HDAC9: variants seen among roughly 807,000 people sequenced by gnomAD.
HDAC9 encodes the protein histone deacetylase 9.
A neutral mutation model predicts 139.4 loss-of-function variants in HDAC9; 41 were observed. The observed-to-expected ratio is 0.29, with a 90% CI of 0.23 to 0.38. The LOEUF (loss-of-function observed/expected upper bound fraction) is 0.38, where lower values mean the gene tolerates loss of function less well. Among genes scored for constraint, HDAC9 ranks in the 10% least tolerant of loss-of-function variants. HDAC9 has a pLI of 1.00. For synonymous variants in HDAC9, 517 were observed against 476.2 expected, an observed-to-expected ratio of 1.09 and a Z score of -1.12; for missense variants, 1,147 against 1,297.0, an observed-to-expected ratio of 0.88 and a Z score of 1.78.
chr7:18,178,500 T>C (rs1040436372), intron 2 of HDAC9, among the ~76,000 whole-genome samples: 2 of 152,204 alleles, frequency 1.3e-5, no homozygotes, highest in African/African-American at 4.8e-5. Flanking sequence ...GGGAAGTTGC[T>C]AAGTTTGGCT....
At chr7:18,167,442 G>A (rs1434911203) in intron 2 of HDAC9, among the ~76,000 whole-genome samples, 1 of 152,028 alleles carries the variant, frequency 6.6e-6, no homozygotes, top group African/African-American at 2.4e-5. Context: ...ATTAATTTTG[G>A]TGGGTAATTC....
chr7:18,300,942 CT>C (rs1181610438), intron 1 of HDAC9, among the ~76,000 whole-genome samples: 1 of 152,106 alleles, frequency 6.6e-6, no homozygotes, highest in Admixed American at 6.5e-5. Context: ...AGAGCTCACA[CT>C]ATTCCTCATG....
intron 1 of HDAC9, among the ~76,000 whole-genome samples, chr7:18,450,909 G>A (rs1376928794): frequency 6.6e-6 from 1 of 152,132 alleles, no homozygotes; most frequent in African/African-American, 2.4e-5. Context: ...AAGTGTCAAA[G>A]GGAAAAGAGT....
At chr7:18,563,992 C>T (rs538710348) in intron 2 of HDAC9, among the ~76,000 whole-genome samples, 11 of 152,060 alleles carry the variant, frequency 7.2e-5, no homozygotes, top group South Asian at 2.1e-4. Flanking sequence ...TGTGCCACCA[C>T]GCCCAGCTAA....
intron 9 of HDAC9, 110 bp downstream of exon 9, chr7:18,644,903 A>G (rs1202093458): frequency 5.7e-6 from 6 of 1,051,616 alleles, no homozygotes; most frequent in Non-Finnish European, 6.6e-6. Flanking sequence ...TGACAGAGCC[A>G]GCATCTCCTT....
chr7:18,766,182 G>A (rs1336856860), intron 15 of HDAC9, among the ~76,000 whole-genome samples: 1 of 152,156 alleles, frequency 6.6e-6, no homozygotes, highest in African/African-American at 2.4e-5. Flanking sequence ...TTCTACCACT[G>A]AACTGCTGAG....
At chr7:18,595,863 G>C (rs1310693013) in intron 6 of HDAC9, among the ~76,000 whole-genome samples, 1 of 152,020 alleles carries the variant, frequency 6.6e-6, no homozygotes, top group Non-Finnish European at 1.5e-5. Flanking sequence ...GTGTCCCACT[G>C]TTGCCATGCG....
At chr7:18,293,791 T>C (rs1048521630) in intron 1 of HDAC9, among the ~76,000 whole-genome samples, 3 of 152,154 alleles carry the variant, frequency 2.0e-5, no homozygotes, top group African/African-American at 7.2e-5. Flanking sequence ...ACGGGATTAC[T>C]GCGTACTAGT....
At chr7:18,224,912 T>C (rs76045362) in intron 2 of HDAC9, among the ~76,000 whole-genome samples, 4,907 of 151,836 alleles carry the variant, frequency 0.032, 99 homozygotes, top group Middle Eastern at 0.068. Context: ...GCAGAGGAAG[T>C]TGGAGGATAT....
At chr7:18,436,863 G>T (rs961955047) in intron 1 of HDAC9, among the ~76,000 whole-genome samples, 9 of 152,116 alleles carry the variant, frequency 5.9e-5, no homozygotes, top group African/African-American at 1.9e-4. Context: ...GGGATTGCTG[G>T]TCCTGAAATT....
Position 18,861,345 on chromosome 7 carries a change from TTTA to T in HDAC9, c.2685-13132_2685-13130del, listed in dbSNP as rs532602003. Among the ~76,000 whole-genome samples, 840 of 152,234 alleles carry T rather than the reference TTTA, an allele frequency of 5.5e-3. 3 individuals are homozygous for T. Among genetic ancestry groups the T allele is most frequent in the Admixed American group, 0.01 (153 of 15,286 alleles). ...TTCTAGACTAGATTTCAGTACAGAG[TTTA>T]ACGAAAGCAAAATCTGTTAATTCTG... On this transcript the variant is annotated intron_variant, in intron 21 of 25. Coordinates refer to ENST00000686413, the MANE Select transcript of HDAC9 (RefSeq NM_178425.4).
intron 25 of HDAC9, among the ~76,000 whole-genome samples, chr7:18,987,074 A>C (rs1342271653): frequency 6.6e-6 from 1 of 152,020 alleles, no homozygotes; most frequent in Non-Finnish European, 1.5e-5. Context: ...TCTCCTGCCT[A>C]ATTGCCCTGG....
chr7:18,320,143 C>T (rs1467696283), intron 1 of HDAC9, among the ~76,000 whole-genome samples: 1 of 152,232 alleles, frequency 6.6e-6, no homozygotes, highest in African/African-American at 2.4e-5. Context: ...CATTCAACCA[C>T]ACTGAGGGGC....
intron 1 of HDAC9, among the ~76,000 whole-genome samples, chr7:18,478,314 G>A (rs1344531715): frequency 6.6e-6 from 1 of 152,088 alleles, no homozygotes; most frequent in Non-Finnish European, 1.5e-5. Context: ...CTCGGGATCC[G>A]CCTGCCTCGG....
intron 24 of HDAC9, among the ~76,000 whole-genome samples, chr7:18,969,080 G>A (rs917801100): frequency 2.6e-5 from 4 of 151,108 alleles, no homozygotes; most frequent in East Asian, 1.9e-4. Flanking sequence ...ACACACGTGC[G>A]CGCGTGCACA....
intron 1 of HDAC9, among the ~76,000 whole-genome samples, chr7:18,125,238 C>G (rs1784587665): frequency 6.6e-6 from 1 of 151,938 alleles, no homozygotes; most frequent in Non-Finnish European, 1.5e-5. Flanking sequence ...CGGGACACTG[C>G]CTAGGACAGG....
At chr7:18,396,122 C>CCCTTCCCTTCCCTTCCCTTCCCTTG (rs1787025519) in intron 1 of HDAC9, among the ~76,000 whole-genome samples, 1 of 123,946 alleles carries the variant, frequency 8.1e-6, no homozygotes, top group Non-Finnish European at 1.6e-5. Context: ...CCCTTCCCTT[C>CCCTTCCCTTCCCTTCCCTTCCCTTG]CCTTCCCTTG....
intron 17 of HDAC9, among the ~76,000 whole-genome samples, chr7:18,815,014 A>G (rs1454926058): frequency 6.6e-6 from 1 of 152,212 alleles, no homozygotes; most frequent in East Asian, 1.9e-4. Context: ...CTATTGTAGT[A>G]AAATATGAGT....
At chr7:18,454,223 G>A (rs1420911001) in intron 1 of HDAC9, among the ~76,000 whole-genome samples, 2 of 151,768 alleles carry the variant, frequency 1.3e-5, no homozygotes, top group African/African-American at 4.8e-5. Context: ...TTTTACTTTT[G>A]GGCTCAAAAA....
Sources: allele counts gnomAD v4.1 joint callset (sites outside exome capture counted in the v4.1 genomes callset), GRCh38; gene constraint gnomAD v4.1.1; transcripts MANE v1.5; gene names NCBI Gene and HGNC (gene_info 2026-07-23, HGNC 2026-07-21).